Variants in OTUD7A observed in about 807,000 individuals in gnomAD.
OTUD7A encodes the protein OTU domain-containing protein 7A.
In OTUD7A, 12 loss-of-function variants were observed where a neutral mutation model predicts 65.7. The ratio of observed to expected loss-of-function variants is 0.18; its 90% CI spans 0.12 to 0.30. OTUD7A has a LOEUF of 0.30. Among genes scored for constraint, OTUD7A ranks in the 10% least tolerant of loss-of-function variants. OTUD7A has a pLI of 1.00. For synonymous variants in OTUD7A, 641 were observed against 586.3 expected (o/e 1.09, Z -1.35); for missense variants, 1,148 against 1,304.8 (o/e 0.88, Z 1.85).
At chr15:31,795,141 G>A (rs887704732) in intron 1 of OTUD7A, among the ~76,000 whole-genome samples, 6 of 152,186 alleles carry the variant, frequency 3.9e-5, no homozygotes, top group African/African-American at 7.2e-5. Flanking sequence ...CTGCTCATTC[G>A]AATCCTAGGA....
rs114011887 is a variant in OTUD7A at position 31,783,899 on chromosome 15, T to C, written c.-100+86608A>G. Among the ~76,000 whole-genome samples the C allele has an allele frequency of 5.3e-3, 810 of 152,346 alleles. 8 individuals carry two copies. Among genetic ancestry groups the C allele is most frequent in the African/African-American group, 0.019 (779 of 41,584 alleles). On this transcript the variant is annotated intron_variant, in intron 1 of 12. Coordinates refer to ENST00000307050, the MANE Select transcript of OTUD7A (RefSeq NM_001382637.1). ...TAAAGAGAATCCCAATAGTATTTTA[T>C]TATCGATGATAAAATCTGAGCTTCC...
At chr15:31,738,006 T>C (rs1894239471) in intron 1 of OTUD7A, among the ~76,000 whole-genome samples, 1 of 152,218 alleles carries the variant, frequency 6.6e-6, no homozygotes, top group African/African-American at 2.4e-5. Flanking sequence ...AAGTATAAAT[T>C]GGGTGGTATT....
rs927303329 is a variant in OTUD7A, at chr15:31,480,749, G to C, written c.*2545C>G. ...GCATTTTTAATACTGTTTAGAGGAA[G>C]GATGGATCCAGCTCTCTCACAAAAG... On this transcript the variant is annotated 3_prime_UTR_variant, in exon 13 of 13. Coordinates refer to ENST00000307050, the MANE Select transcript of OTUD7A (RefSeq NM_001382637.1). The C allele has an allele frequency of 6.6e-6, 1 of 152,282 alleles. No individual in the cohort carries two copies. Among genetic ancestry groups the C allele is most frequent in the Non-Finnish European group, 1.5e-5 (1 of 68,060 alleles). The allele number at this position is 152,282 out of a possible 1,614,324, so 9.4% of individuals were successfully genotyped here. A position where few individuals can be genotyped will look rare whatever the true frequency, so the allele number is the denominator to read the frequency against.
At chr15:31,491,666 A>T (rs1485239132) in intron 10 of OTUD7A, among the ~76,000 whole-genome samples, 1 of 152,214 alleles carries the variant, frequency 6.6e-6, no homozygotes, top group African/African-American at 2.4e-5. Flanking sequence ...GAGAACATCA[A>T]GAAGAAAAAG....
At chr15:31,734,350 A>ATGCTAT (rs1385138468) in intron 1 of OTUD7A, among the ~76,000 whole-genome samples, 1 of 152,258 alleles carries the variant, frequency 6.6e-6, no homozygotes, top group African/African-American at 2.4e-5. Flanking sequence ...TATAAATTCA[A>ATGCTAT]TGCTATTCCT....
intron 1 of OTUD7A, among the ~76,000 whole-genome samples, chr15:31,729,947 T>C (rs1893995327): frequency 6.6e-6 from 1 of 152,196 alleles, no homozygotes; most frequent in Non-Finnish European, 1.5e-5. Context: ...ATGATACTAA[T>C]GATTCCTGTT....
intron 1 of OTUD7A, among the ~76,000 whole-genome samples, chr15:31,829,475 T>A (rs1271830183): frequency 6.6e-6 from 1 of 152,232 alleles, no homozygotes; most frequent in Non-Finnish European, 1.5e-5. Context: ...CTCCAGGAAG[T>A]GGAGACCATC....
At chr15:31,856,077 T>C (rs2141010247) in intron 1 of OTUD7A, among the ~76,000 whole-genome samples, 1 of 152,342 alleles carries the variant, frequency 6.6e-6, no homozygotes, top group Admixed American at 6.5e-5. Flanking sequence ...TTTTAGAAAC[T>C]TTTATGCTCT....
At chr15:31,725,369 G>C (rs1254068759) in intron 1 of OTUD7A, among the ~76,000 whole-genome samples, 2 of 152,166 alleles carry the variant, frequency 1.3e-5, no homozygotes, top group African/African-American at 4.8e-5. Flanking sequence ...GGGTGTGACT[G>C]TATGGTTGCG....
intron 1 of OTUD7A, among the ~76,000 whole-genome samples, chr15:31,789,654 A>G (rs1895761123): frequency 6.6e-6 from 1 of 151,838 alleles, no homozygotes; most frequent in African/African-American, 2.4e-5. Context: ...TGCAAGAAAA[A>G]TTGCAGTTAC....
At chr15:31,583,468 C>T (rs563854910) in intron 3 of OTUD7A, among the ~76,000 whole-genome samples, 1 of 152,098 alleles carries the variant, frequency 6.6e-6, no homozygotes, top group African/African-American at 2.4e-5. Flanking sequence ...ATTGTAGCTC[C>T]CATAATTCCC....
intron 1 of OTUD7A, among the ~76,000 whole-genome samples, chr15:31,841,026 C>A (rs2079644678): frequency 6.6e-6 from 1 of 152,128 alleles, no homozygotes; most frequent in African/African-American, 2.4e-5. Flanking sequence ...GAAAGTTGAA[C>A]CTCTGCCAAG....
intron 1 of OTUD7A, among the ~76,000 whole-genome samples, chr15:31,748,536 G>A (rs929410786): frequency 2.6e-5 from 4 of 151,866 alleles, no homozygotes; most frequent in Non-Finnish European, 5.9e-5. Context: ...AAATATATAT[G>A]GGGTCCTTTG....
chr15:31,725,185 G>A (rs920924213), intron 1 of OTUD7A, among the ~76,000 whole-genome samples: 3 of 152,210 alleles, frequency 2.0e-5, no homozygotes, highest in African/African-American at 7.2e-5. Context: ...CCAAAGAGGA[G>A]CTAAGGCCAG....
intron 1 of OTUD7A, among the ~76,000 whole-genome samples, chr15:31,681,016 G>A (rs547149022): frequency 6.7e-6 from 1 of 149,330 alleles, no homozygotes; most frequent in Non-Finnish European, 1.5e-5. Flanking sequence ...TATATGTATC[G>A]GTCTGCCTGC....
intron 3 of OTUD7A, among the ~76,000 whole-genome samples, chr15:31,619,382 G>A (rs1189764430): frequency 6.6e-6 from 1 of 152,136 alleles, no homozygotes; most frequent in Non-Finnish European, 1.5e-5. Context: ...GCCATTTGAC[G>A]ATATTGATTC....
chr15:31,621,592 C>G (rs1474972308), intron 3 of OTUD7A, among the ~76,000 whole-genome samples: 26 of 151,146 alleles, frequency 1.7e-4, no homozygotes, highest in African/African-American at 2.4e-5. Flanking sequence ...CAACCCCTAC[C>G]TTTTTTTTTG....
chr15:31,791,305 A>G (rs1895808113), intron 1 of OTUD7A, among the ~76,000 whole-genome samples: 1 of 152,204 alleles, frequency 6.6e-6, no homozygotes, highest in South Asian at 2.1e-4. Flanking sequence ...GATTACAGGC[A>G]TAAGCTAACG....
rs751689853 is a variant in OTUD7A, at chr15:31,482,032, C to T, written c.*1262G>A. 6.6e-6 allele frequency: 1 copy of T among 152,220 alleles called. No individual in the cohort carries two copies. The highest frequency in any genetic ancestry group is 1.5e-5 in the Non-Finnish European group (1 of 68,050). 9.4% of individuals were successfully genotyped at this position (152,220 alleles called of 1,614,324 possible). On this transcript the variant is annotated 3_prime_UTR_variant, in exon 13 of 13. Coordinates refer to ENST00000307050, the MANE Select transcript of OTUD7A (RefSeq NM_001382637.1). ...GATTTAGCTCCTCAGTGTCCTTGGC[C>T]AAGAACGGTGTTCTCCGGAGGTAAT...
Sources: allele counts gnomAD v4.1 joint callset (sites outside exome capture counted in the v4.1 genomes callset), GRCh38; gene constraint gnomAD v4.1.1; transcripts MANE v1.5; gene names NCBI Gene and HGNC (gene_info 2026-07-23, HGNC 2026-07-21).